Variants in TRIM8 observed in about 807,000 individuals in gnomAD.
TRIM8 encodes the protein E3 ubiquitin-protein ligase TRIM8.
A neutral mutation model predicts 55.7 loss-of-function variants in TRIM8; 9 were observed. That is an observed-to-expected ratio of 0.16 (90% CI 0.10 to 0.28). The LOEUF (loss-of-function observed/expected upper bound fraction) is 0.28, where lower values mean the gene tolerates loss of function less well. Among genes scored for constraint, TRIM8 ranks in the 10% least tolerant of loss-of-function variants. The pLI, the probability that TRIM8 is intolerant of heterozygous loss-of-function variation, is 1.00. For synonymous variants in TRIM8, 335 were observed against 333.3 expected, an observed-to-expected ratio of 1.01 and a Z score of -0.06; for missense variants, 556 against 736.4, an observed-to-expected ratio of 0.76 and a Z score of 2.83.
chr10:102,656,255 G>T lies in TRIM8; in HGVS notation c.933-15G>T. On this transcript the variant is annotated splice_polypyrimidine_tract_variant and intron_variant, in intron 4 of 5. Coordinates refer to ENST00000643721, the MANE Select transcript of TRIM8 (RefSeq NM_030912.3). This position sits in a 1 kb window ranked among gnomAD's most constrained non-coding sequence, Gnocchi z 4.6. ...GATGCCTCCTCACAGCAGATGCCCC[G>T]TCCACTGCCCCCAGGACCCAGACCT... The T allele has an allele frequency of 1.2e-6, 2 of 1,614,116 alleles. No individual in the cohort carries two copies. The highest frequency in any genetic ancestry group is 1.7e-6 in the Non-Finnish European group (2 of 1,179,988).
chr10:102,655,053 G>A, intron 2 of TRIM8, 27 bp from the exon 3 acceptor site: 1 of 1,609,550 alleles, frequency 6.2e-7, no homozygotes, highest in Middle Eastern at 1.7e-4. Context: ...TTACCTGCCT[G>A]CCCACTCCTG....
intron 2 of TRIM8, 123 bp downstream of exon 2, chr10:102,654,871 C>A: frequency 1.1e-6 from 1 of 933,736 alleles, no homozygotes; most frequent in Admixed American, 1.9e-5. Context: ...GTCATTCAAT[C>A]AACTGCCCGT....
chr10:102,654,817 A>G (rs1164111872), intron 2 of TRIM8, 69 bp downstream of exon 2: 7 of 1,210,316 alleles, frequency 5.8e-6, no homozygotes, highest in African/African-American at 1.5e-5. Flanking sequence ...TGAGTTCCTT[A>G]CTAAGGATTG....
chr10:102,656,948 G>C lies in TRIM8; in HGVS notation c.1250G>C (p.Gly417Ala). 6.2e-7 allele frequency: 1 copy of C among 1,611,218 alleles called. No homozygotes were observed. Among genetic ancestry groups the C allele is most frequent in the Non-Finnish European group, 8.5e-7 (1 of 1,178,804 alleles). ...SGEGQSGQPLGPCSSTQHLVA... is the reference protein window; with the variant it reads ...SGEGQSGQPLAPCSSTQHLVA... ...GAGGGCCAGTCTGGGCAGCCCCTGG[G>C]GCCCTGCAGCTCCACGCAGCACTTG... Residue 417 changes from glycine to alanine, a missense_variant, in exon 6 of 6, where the codon GGG becomes GCG. By Grantham distance (60) the Gly-to-Ala change is moderately conservative (BLOSUM62 0). Transcript: ENST00000643721. The surrounding 1 kb of genome is among the most constrained non-coding windows in gnomAD (Gnocchi z 4.6).
rs964615787 is a variant in TRIM8, at chr10:102,644,677, C to T, written c.60C>T (p.His20=). The change falls in exon 1 of 6, where the codon CAC becomes CAT. Residue 20 remains histidine (H), a synonymous_variant. Transcript: ENST00000643721. The part of the protein sequence containing the change: ...EEELICPICL[H]VFVEPVQLPC... ...AGCTCATCTGCCCTATCTGCCTGCA[C>T]GTTTTCGTGGAGCCAGTGCAGCTGC... is the stretch of plus-strand genomic sequence containing the variant. 1.2e-6 allele frequency: 2 copies of T among 1,613,542 alleles called. No individual in the cohort carries two copies. The highest frequency in any genetic ancestry group is 1.1e-5 in the South Asian group (1 of 91,082).
Position 102,658,220 on chromosome 10 carries a change from C to T in TRIM8, c.*866C>T, listed in dbSNP as rs1319890270. On this transcript the variant is annotated 3_prime_UTR_variant, in exon 6 of 6. Coordinates refer to ENST00000643721, the MANE Select transcript of TRIM8 (RefSeq NM_030912.3). ...CCTGTAGTGAGCACTTTGTATGAAT[C>T]GTGGACTTCCTGTTCTCAAGGCGCA... 1 of 152,208 alleles carries T rather than the reference C, an allele frequency of 6.6e-6. No homozygotes were observed. The highest frequency in any genetic ancestry group is 1.5e-5 in the Non-Finnish European group (1 of 68,064). 9.4% of individuals were successfully genotyped at this position (152,208 alleles called of 1,614,324 possible).
At chr10:102,655,031 G>A in intron 2 of TRIM8, 49 bp from the exon 3 acceptor site, 3 of 1,597,880 alleles carry the variant, frequency 1.9e-6, no homozygotes, top group Non-Finnish European at 2.6e-6. Context: ...GGAAACCAAA[G>A]GTTTCCAGTG....
chr10:102,654,507 T>C (rs1379910072), intron 1 of TRIM8, 146 bp from the exon 2 acceptor site: 1 of 693,150 alleles, frequency 1.4e-6, no homozygotes, highest in African/African-American at 1.8e-5. Context: ...GCCCCTGGGA[T>C]TGGAGGGGGC....
chr10:102,657,197 A>T lies in TRIM8; in HGVS notation c.1499A>T (p.Gln500Leu). ...CACTTTCCCTGGACAGTGCCCTCGC[A>T]GGAGTACTCACACCCGCTCCCGCCC... ...SGHFPWTVPS[Q>L]EYSHPLPPTP... Residue 500 changes from glutamine (Q) to leucine (L), a missense_variant, in exon 6 of 6, where the codon CAG (glutamine) becomes CTG (leucine). Gln to Leu is a moderately radical substitution (Grantham distance 113). Around this residue, in one of 2 missense-constraint regions of TRIM8, gnomAD observed 391 missense variants for 441.0 expected, o/e 0.89. Transcript: ENST00000643721. The T allele has an allele frequency of 6.2e-7, 1 of 1,613,872 alleles. No homozygotes were observed. The highest frequency in any genetic ancestry group is 8.5e-7 in the Non-Finnish European group (1 of 1,179,942).
rs1386390186 is a variant in TRIM8, at chr10:102,655,297, A to T, written c.884A>T (p.Asp295Val). The change falls in exon 3 of 6, where the codon GAT (aspartate) becomes GTT (valine). Residue 295 changes from aspartate to valine, a missense_variant. Physicochemically the swap from Asp to Val is radical, Grantham distance 152. This residue lies in a region of TRIM8 where 391 missense variants were observed against 441.0 expected (regional missense o/e 0.89). Transcript: ENST00000643721. ...CAGCTGCTCTTTGATAAGACGGAGG[A>T]TGTCAGCTTCATGAAGGTGGGCTGG... is the stretch of plus-strand genomic sequence containing the variant. ...SLQLLFDKTE[D>V]VSFMKNTKSV... 2.5e-6 allele frequency: 4 copies of T among 1,603,050 alleles called. No individual in the cohort carries two copies. Among genetic ancestry groups the T allele is most frequent in the Non-Finnish European group, 3.4e-6 (4 of 1,177,252 alleles).
In TRIM8 at chr10:102,656,621, G is replaced by C. The variant is rs1564722372; in HGVS notation, c.1049-126G>C. 7.0e-7 allele frequency: 1 copy of C among 1,424,066 alleles called. No homozygotes were observed. Among genetic ancestry groups the C allele is most frequent in the Non-Finnish European group, 9.5e-7 (1 of 1,057,756 alleles). 88.2% of individuals were successfully genotyped at this position (1,424,066 alleles called of 1,614,324 possible). A position where few individuals can be genotyped will look rare whatever the true frequency, so the allele number is the denominator to read the frequency against. On this transcript the variant is annotated intron_variant, in intron 5 of 5. Coordinates refer to ENST00000643721, the MANE Select transcript of TRIM8 (RefSeq NM_030912.3). This position sits in a 1 kb window ranked among gnomAD's most constrained non-coding sequence, Gnocchi z 4.6. ...GTACCTCCTAATGGTAGAGGAGCAA[G>C]CATCACCTGAGATGTAACATTCTTG...
intron 1 of TRIM8, chr10:102,645,471 T>G: frequency 3.2e-6 from 1 of 314,710 alleles, no homozygotes. Context: ...GGGTGTTGCT[T>G]TTCTGTGGTG....
intron 1 of TRIM8, among the ~76,000 whole-genome samples, chr10:102,647,882 A>G (rs2063949376): frequency 6.6e-6 from 1 of 152,192 alleles, no homozygotes; most frequent in Non-Finnish European, 1.5e-5. Context: ...TACTTACAGC[A>G]TCCACAGGTG....
rs1162047637 is a variant in TRIM8 at position 102,657,091 on chromosome 10, A to G, written c.1393A>G (p.Ile465Val). 1.2e-6 allele frequency: 2 copies of G among 1,613,668 alleles called. No homozygotes were observed. The highest frequency in any genetic ancestry group is 3.3e-5 in the Admixed American group (2 of 60,002). Reference protein sequence around the residue: ...PMLPQYGGRKILVCSVDNCYC... With the variant: ...PMLPQYGGRKVLVCSVDNCYC... ...GCTCCCCCAGTATGGCGGCCGCAAG[A>G]TTCTCGTCTGTTCTGTGGACAACTG... The change falls in exon 6 of 6, where the codon ATT becomes GTT. Residue 465 changes from isoleucine (I) to valine (V), a missense_variant. By Grantham distance (29) the Ile-to-Val change is conservative (BLOSUM62 3). Transcript: ENST00000643721.
chr10:102,652,336 T>C (rs1192663545), intron 1 of TRIM8, among the ~76,000 whole-genome samples: 3 of 152,086 alleles, frequency 2.0e-5, no homozygotes, highest in African/African-American at 7.2e-5. Flanking sequence ...TGGCAGCTTG[T>C]CTTCGGGGAG....
chr10:102,644,559 C>T lies in TRIM8; in HGVS notation c.-59C>T, dbSNP rs1352612248. Reference sequence around the variant, plus strand: ...TCGGTGGGCCTACAGCGGCTCCGGACGGACCCCCGGGGCTGGGGAGTCGGG... The same window carrying T: ...TCGGTGGGCCTACAGCGGCTCCGGATGGACCCCCGGGGCTGGGGAGTCGGG... On this transcript the variant is annotated 5_prime_UTR_variant, in exon 1 of 6. The change creates a new upstream start codon in the 5' untranslated region. Transcript: ENST00000643721. 2 of 1,543,580 alleles carry T rather than the reference C, an allele frequency of 1.3e-6. No homozygotes were observed. Among genetic ancestry groups the T allele is most frequent in the Admixed American group, 3.7e-5 (2 of 53,644 alleles).
At position 102,644,608 on chromosome 10, in the gene TRIM8, C is replaced by G. The variant is rs1339128220; in HGVS notation, c.-10C>G. ...GGGAGGCCTGCCCCGGCCCCCTGCC[C>G]GCGGCCGCCATGGCGGAGAATTGGA... On this transcript the variant is annotated 5_prime_UTR_variant, in exon 1 of 6. Coordinates refer to ENST00000643721, the MANE Select transcript of TRIM8 (RefSeq NM_030912.3). 1.2e-6 allele frequency: 2 copies of G among 1,609,934 alleles called. No homozygotes were observed. The highest frequency in any genetic ancestry group is 4.5e-5 in the East Asian group (2 of 44,742).
chr10:102,646,182 G>A (rs2063933913), intron 1 of TRIM8, among the ~76,000 whole-genome samples: 1 of 152,198 alleles, frequency 6.6e-6, no homozygotes, highest in African/African-American at 2.4e-5. Flanking sequence ...CTTCAGTGGA[G>A]GGGGCTCCTC....
In TRIM8 at chr10:102,656,887, G is replaced by T; in HGVS notation, c.1189G>T (p.Gly397Cys). Residue 397 changes from glycine (G) to cysteine (C), a missense_variant, in exon 6 of 6, where the codon GGC becomes TGC. Gly to Cys is a radical substitution (Grantham distance 159, BLOSUM62 -3). Around this residue, in one of 2 missense-constraint regions of TRIM8, gnomAD observed 391 missense variants for 441.0 expected, o/e 0.89. Transcript: ENST00000643721. The surrounding 1 kb of genome is among the most constrained non-coding windows in gnomAD (Gnocchi z 4.6). ...SFLETSSGPV[G>C]GQYGAAGTAS... ...CCTAGAGACGTCGTCGGGCCCTGTG[G>T]GCGGCCAGTACGGGGCGGCGGGCAC... The T allele has an allele frequency of 6.3e-7, 1 of 1,578,894 alleles. No homozygotes were observed. Among genetic ancestry groups the T allele is most frequent in the East Asian group, 2.2e-5 (1 of 44,502 alleles).
Sources: allele counts gnomAD v4.1 joint callset (sites outside exome capture counted in the v4.1 genomes callset), GRCh38; gene constraint gnomAD v4.1.1; regional missense constraint gnomAD v4.1.1; non-coding constraint Gnocchi (gnomAD v3.1); transcripts MANE v1.5; gene names NCBI Gene and HGNC (gene_info 2026-07-23, HGNC 2026-07-21).